Variants in SGK1 observed in about 807,000 individuals in gnomAD.
SGK1 encodes serine/threonine-protein kinase Sgk1.
A neutral mutation model predicts 64.2 loss-of-function variants in SGK1; 26 were observed. That is an observed-to-expected ratio of 0.40 (90% CI 0.30 to 0.56). SGK1 has a LOEUF of 0.56. Ranked by LOEUF, SGK1 falls within the 20% of genes least tolerant of loss-of-function variation. SGK1 has a pLI of 0.38. For synonymous variants in SGK1, 265 were observed against 239.7 expected, an observed-to-expected ratio of 1.11 and a Z score of -0.98; for missense variants, 519 against 645.6, an observed-to-expected ratio of 0.80 and a Z score of 2.12.
At chr6:134,255,573 G>T (rs908296304) in intron 2 of SGK1, among the ~76,000 whole-genome samples, 12 of 107,812 alleles carry the variant, frequency 1.1e-4, no homozygotes, top group Non-Finnish European at 1.9e-4. Context: ...AAGAGATTTT[G>T]ATTTTTTTTT....
intron 3 of SGK1, among the ~76,000 whole-genome samples, chr6:134,178,179 T>A (rs1775277778): frequency 6.6e-6 from 1 of 152,098 alleles, no homozygotes; most frequent in African/African-American, 2.4e-5. Flanking sequence ...AACCGTATGA[T>A]TTGTGGTTGG....
intron 1 of SGK1, among the ~76,000 whole-genome samples, chr6:134,262,439 A>AT (rs1340469768): frequency 6.6e-6 from 1 of 150,392 alleles, no homozygotes; most frequent in East Asian, 2.0e-4. Flanking sequence ...TGGGGTTAGA[A>AT]TTTTTTTCTT....
chr6:134,240,066 C>T (rs562398300), intron 2 of SGK1, among the ~76,000 whole-genome samples: 9 of 152,130 alleles, frequency 5.9e-5, no homozygotes, highest in South Asian at 4.2e-4. Flanking sequence ...CCATGATGTG[C>T]GGATCACTTG....
intron 2 of SGK1, among the ~76,000 whole-genome samples, chr6:134,253,538 T>C (rs1198479369): frequency 6.6e-6 from 1 of 152,106 alleles, no homozygotes; most frequent in Non-Finnish European, 1.5e-5. Flanking sequence ...TGAAAGCCTG[T>C]AGTCCCAGCT....
At chr6:134,189,936 G>A (rs1003400346) in intron 3 of SGK1, among the ~76,000 whole-genome samples, 16 of 152,226 alleles carry the variant, frequency 1.1e-4, no homozygotes, top group African/African-American at 2.6e-4. Context: ...TGCAACCTCC[G>A]CCTTCCGGAT....
At chr6:134,289,508 T>A (rs1258022138) in intron 1 of SGK1, among the ~76,000 whole-genome samples, 1 of 152,174 alleles carries the variant, frequency 6.6e-6, no homozygotes, top group African/African-American at 2.4e-5. Context: ...TGAAATTAAT[T>A]TCAAACATAT....
chr6:134,184,681 G>A (rs1410125411), intron 3 of SGK1, among the ~76,000 whole-genome samples: 1 of 151,970 alleles, frequency 6.6e-6, no homozygotes, highest in Non-Finnish European at 1.5e-5. Flanking sequence ...TATGAGATAG[G>A]GATATCATGT....
intron 1 of SGK1, among the ~76,000 whole-genome samples, chr6:134,276,927 G>A (rs935729052): frequency 1.3e-5 from 2 of 152,136 alleles, no homozygotes; most frequent in Non-Finnish European, 1.5e-5. Context: ...GTGTGTGCCT[G>A]TAATCCCAGC....
chr6:134,244,384 G>T (rs956019928), intron 2 of SGK1, among the ~76,000 whole-genome samples: 1 of 152,162 alleles, frequency 6.6e-6, no homozygotes, highest in African/African-American at 2.4e-5. Flanking sequence ...TGGGCATTTG[G>T]GTTGGTTCCA....
intron 2 of SGK1, among the ~76,000 whole-genome samples, chr6:134,214,491 T>A (rs1775944634): frequency 6.6e-6 from 1 of 151,846 alleles, no homozygotes; most frequent in African/African-American, 2.4e-5. Flanking sequence ...CTCAGGAGGC[T>A]GAGGCAGGAG....
chr6:134,255,194 G>C, intron 2 of SGK1, among the ~76,000 whole-genome samples: 1 of 152,010 alleles, frequency 6.6e-6, no homozygotes, highest in East Asian at 1.9e-4. Context: ...TTTAATCACT[G>C]TATAGTGTTC....
At chr6:134,174,775 G>A (rs565497611) in intron 3 of SGK1, 189 bp from the exon 4 acceptor site, 2 of 1,614,074 alleles carry the variant, frequency 1.2e-6, no homozygotes, top group Admixed American at 1.7e-5. Context: ...AGTAAGTGAG[G>A]GTGCCCTTAG....
chr6:134,193,655 C>CT (rs1298210923), intron 3 of SGK1, among the ~76,000 whole-genome samples: 4 of 149,538 alleles, frequency 2.7e-5, no homozygotes, highest in African/African-American at 9.9e-5. Flanking sequence ...TTTAGATTTT[C>CT]TTTTTTTGAG....
At chr6:134,288,098 T>C (rs1777213280) in intron 1 of SGK1, among the ~76,000 whole-genome samples, 1 of 152,174 alleles carries the variant, frequency 6.6e-6, no homozygotes, top group Admixed American at 6.5e-5. Context: ...ACCGGAAGGT[T>C]AGTGTTTACC....
chr6:134,203,419 G>A (rs553431010), intron 3 of SGK1, among the ~76,000 whole-genome samples: 1 of 151,978 alleles, frequency 6.6e-6, no homozygotes, highest in East Asian at 1.9e-4. Context: ...AGAAGAGAAG[G>A]GACATATAGA....
chr6:134,287,299 G>A (rs1777201025), intron 1 of SGK1, among the ~76,000 whole-genome samples: 1 of 152,072 alleles, frequency 6.6e-6, no homozygotes, highest in Non-Finnish European at 1.5e-5. Flanking sequence ...ATAGAGTCAG[G>A]AGTTTTGTAA....
chr6:134,311,997 T>C (rs2114803362), intron 1 of SGK1, among the ~76,000 whole-genome samples: 1 of 152,260 alleles, frequency 6.6e-6, no homozygotes, highest in East Asian at 1.9e-4. Context: ...AAAACACCTC[T>C]TTGGGTTGTC....
intron 1 of SGK1, among the ~76,000 whole-genome samples, chr6:134,284,157 A>G (rs1205061661): frequency 1.3e-5 from 2 of 152,060 alleles, no homozygotes; most frequent in South Asian, 2.1e-4. Context: ...CAGTGGCTCA[A>G]TCTCAGCTCA....
intron 1 of SGK1, 31 bp from the exon 2 acceptor site, chr6:134,262,179 ATG>A (rs760768187): frequency 6.1e-6 from 9 of 1,473,726 alleles, no homozygotes; most frequent in Non-Finnish European, 7.4e-6. Flanking sequence ...GAAAAAACAA[ATG>A]TGTTTGACTC....
Sources: gnomAD v4.1 joint callset for allele counts (sites outside exome capture counted in the v4.1 genomes callset) on GRCh38, gnomAD v4.1.1 for gene constraint, MANE v1.5 for transcripts, NCBI Gene and HGNC (gene_info 2026-07-23, HGNC 2026-07-21) for gene names.